PDE1C: variants seen among roughly 807,000 people sequenced by gnomAD.
PDE1C encodes the protein dual specificity calcium/calmodulin-dependent 3',5'-cyclic nucleotide phosphodiesterase 1C.
A neutral mutation model predicts 93.1 loss-of-function variants in PDE1C; 62 were observed. The observed-to-expected ratio is 0.67, with a 90% confidence interval of 0.54 to 0.82. The LOEUF (loss-of-function observed/expected upper bound fraction) is 0.82. Among genes scored for constraint, PDE1C ranks in the 40% least tolerant of loss-of-function variants. PDE1C has a pLI of 0.00. For synonymous variants in PDE1C, 325 were observed against 310.1 expected, an observed-to-expected ratio of 1.05 and a Z score of -0.50; for missense variants, 742 against 884.6, an observed-to-expected ratio of 0.84 and a Z score of 2.04.
the PDE1C span, among the ~76,000 whole-genome samples, chr7:31,636,910 G>T: frequency 8.9e-6 from 1 of 112,446 alleles, no homozygotes. Flanking sequence ...AACAGTCCCT[G>T]GTGTGTGATG....
intron 3 of PDE1C, among the ~76,000 whole-genome samples, chr7:32,098,229 C>CAAAAAAAAAAAAAAAAAAAAAAAAA (rs60146342): frequency 2.2e-5 from 1 of 46,264 alleles, no homozygotes; most frequent in African/African-American, 8.4e-5. Flanking sequence ...GACTCCGTCT[C>CAAAAAAAAAAAAAAAAAAAAAAAAA]AAAAAAAAAA....
rs1562735411 is a variant in PDE1C at position 31,751,233 on chromosome 7, A to C, written c.*2151T>G. ...AAGAATATAATCTGCATTTCTATAC[A>C]ATCCATTATGCAAAAAACATGGTAG... On this transcript the variant is annotated 3_prime_UTR_variant, in exon 18 of 18. Transcript: ENST00000396191. 6.6e-6 allele frequency: 1 copy of C among 152,236 alleles called. No individual in the cohort carries two copies. The highest frequency in any genetic ancestry group is 1.5e-5 in the Non-Finnish European group (1 of 68,046). The allele number at this position is 152,236 out of a possible 1,614,324, so 9.4% of individuals were successfully genotyped here.
chr7:32,326,065 A>C lies in PDE1C; in HGVS notation c.310+101757T>G, dbSNP rs1209680568. On this transcript the variant is annotated intron_variant, in intron 1 of 1. Coordinates refer to the PDE1C transcript ENST00000672256. ...CAAACACGGTTGTGAGGAAAAAAAA[A>C]AGGAATCAAGGATGACTTCAATGTT... 2.0e-5 allele frequency among the ~76,000 whole-genome samples: 3 copies of C among 152,286 alleles called. No individual in the cohort carries two copies. In the South Asian group the frequency reaches 6.2e-4, roughly 32 times the overall value.
At chr7:32,240,587 A>T (rs1808472815) in intron 1 of PDE1C, among the ~76,000 whole-genome samples, 1 of 152,148 alleles carries the variant, frequency 6.6e-6, no homozygotes. Context: ...GAATGCAGGG[A>T]TTTAGGAGAG....
intron 1 of PDE1C, among the ~76,000 whole-genome samples, chr7:32,317,154 G>A (rs1435627573): frequency 6.6e-6 from 1 of 152,190 alleles, no homozygotes; most frequent in Non-Finnish European, 1.5e-5. Context: ...AACAAGAAAT[G>A]GAAAAGGGTA....
At chr7:32,209,062 A>G (rs1009861475) in intron 2 of PDE1C, among the ~76,000 whole-genome samples, 9 of 152,188 alleles carry the variant, frequency 5.9e-5, no homozygotes, top group Non-Finnish European at 1.0e-4. Flanking sequence ...TAAAACATTC[A>G]TTGAAAGATT....
intron 2 of PDE1C, among the ~76,000 whole-genome samples, chr7:32,020,232 G>T (rs1034581558): frequency 2.6e-5 from 4 of 152,006 alleles, no homozygotes; most frequent in Non-Finnish European, 2.9e-5. Context: ...CCTTCAATAA[G>T]CATTTGTTCC....
chr7:32,405,253 C>CTTTT (rs59015406), intron 1 of PDE1C, among the ~76,000 whole-genome samples: 1 of 138,882 alleles, frequency 7.2e-6, no homozygotes, highest in Non-Finnish European at 1.6e-5. Context: ...TTTCTTTTTT[C>CTTTT]TTTTTTTTTT....
intron 16 of PDE1C, among the ~76,000 whole-genome samples, chr7:31,806,645 T>A (rs1786867141): frequency 6.6e-6 from 1 of 151,970 alleles, no homozygotes; most frequent in Non-Finnish European, 1.5e-5. Context: ...CCCCTGTGCA[T>A]GCCCTGGCTC....
chr7:31,709,537 TCA>T, the PDE1C span, among the ~76,000 whole-genome samples: 1 of 152,160 alleles, frequency 6.6e-6, no homozygotes, highest in Admixed American at 6.5e-5. Context: ...GAGACTCAAC[TCA>T]CAGCATCTGA....
the PDE1C span, among the ~76,000 whole-genome samples, chr7:31,699,974 CT>C: frequency 5.3e-5 from 8 of 152,114 alleles, no homozygotes; most frequent in Non-Finnish European, 8.8e-5. Context: ...TCCCTCTCCC[CT>C]GGCTTCCCTA....
chr7:31,949,206 C>G (rs1262658897), intron 2 of PDE1C, among the ~76,000 whole-genome samples: 1 of 152,134 alleles, frequency 6.6e-6, no homozygotes, highest in Non-Finnish European at 1.5e-5. Context: ...TGCCTGTAAT[C>G]CCAACACTTT....
intron 1 of PDE1C, among the ~76,000 whole-genome samples, chr7:32,260,775 C>A (rs1810142815): frequency 6.7e-6 from 1 of 149,406 alleles, no homozygotes; most frequent in Admixed American, 6.6e-5. Flanking sequence ...GAAAAGACCC[C>A]CTTCTTGCCT....
the PDE1C span, among the ~76,000 whole-genome samples, chr7:31,722,836 A>G: frequency 2.6e-5 from 4 of 152,172 alleles, no homozygotes. Flanking sequence ...GAAAGTTCTC[A>G]GTCTTTACTG....
intron 16 of PDE1C, chr7:31,784,090 G>C (rs967574009): frequency 4.6e-5 from 7 of 152,126 alleles, no homozygotes; most frequent in African/African-American, 1.7e-4. Context: ...AAATGTTCTT[G>C]ATAGTAATCC....
rs556218481 is a variant in PDE1C, at chr7:32,245,375, T to A, written c.86-35836A>T. 2.6e-5 allele frequency among the ~76,000 whole-genome samples: 4 copies of A among 152,280 alleles called. No individual in the cohort carries two copies. The South Asian group carries it at 8.3e-4, about 32-fold the overall frequency. On this transcript the variant is annotated intron_variant, in intron 1 of 18. Coordinates refer to the PDE1C transcript ENST00000396193. Reference sequence around the variant, plus strand: ...CTATAAAAGAACTAAGCAATACAATTAGCTCACTGATTGCCCAAAGCTGAT... The same window carrying A: ...CTATAAAAGAACTAAGCAATACAATAAGCTCACTGATTGCCCAAAGCTGAT...
In PDE1C at chr7:32,044,015, C is replaced by T. The variant is rs183647556; in HGVS notation, c.128+7539G>A. The stretch of plus-strand genomic sequence containing the variant: ...ATGAAGGATCCCAATCTGATTTATT[C>T]ATAAAATCAATGCACATTTAATAAA... On this transcript the variant is annotated intron_variant, in intron 2 of 17. Transcript: ENST00000396191. Among the ~76,000 whole-genome samples the T allele has an allele frequency of 5.3e-5, 8 of 152,252 alleles. No homozygotes were observed. In the East Asian group the frequency reaches 1.5e-3, roughly 29 times the overall value.
chr7:31,928,155 A>G (rs1387872873), intron 2 of PDE1C, among the ~76,000 whole-genome samples: 2 of 151,910 alleles, frequency 1.3e-5, no homozygotes, highest in Non-Finnish European at 2.9e-5. Context: ...CACAATATCA[A>G]TGGCTGAATT....
chr7:31,812,406 A>G (rs540305251), intron 15 of PDE1C, among the ~76,000 whole-genome samples: 3 of 152,074 alleles, frequency 2.0e-5, no homozygotes, highest in Non-Finnish European at 4.4e-5. Flanking sequence ...TGACTAGCTT[A>G]TTTGCATTTA....
Sources: allele counts gnomAD v4.1 joint callset (sites outside exome capture counted in the v4.1 genomes callset), GRCh38; gene constraint gnomAD v4.1.1; transcripts MANE v1.5; gene names NCBI Gene and HGNC (gene_info 2026-07-23, HGNC 2026-07-21).